The following MROH7 variants were observed in gnomAD, a reference collection of about 807,000 sequenced individuals.
MROH7 encodes the protein maestro heat-like repeat-containing protein family member 7.
In MROH7, 113 loss-of-function variants were observed where a neutral mutation model predicts 129.2. The ratio of observed to expected loss-of-function variants is 0.87; its 90% CI spans 0.75 to 1.02. MROH7 has a LOEUF of 1.02. MROH7 is among the 50% of genes least tolerant of loss of function. MROH7 has a pLI of 0.00. For synonymous variants in MROH7, 655 were observed against 667.9 expected, an observed-to-expected ratio of 0.98 and a Z score of 0.30; for missense variants, 1,601 against 1,671.3, an observed-to-expected ratio of 0.96 and a Z score of 0.73.
At chr1:54,670,638 C>A (rs1365600437) in intron 6 of MROH7, 62 bp downstream of exon 6, 1 of 1,531,358 alleles carries the variant, frequency 6.5e-7, no homozygotes, top group Non-Finnish European at 8.9e-7. Context: ...CTTCTGCCTC[C>A]CTCCATCTCT....
chr1:54,682,824 C>T (rs1430205759), intron 14 of MROH7, 30 bp downstream of exon 14: 1 of 1,599,432 alleles, frequency 6.3e-7, no homozygotes, highest in Non-Finnish European at 8.5e-7. Flanking sequence ...GCCCCTATTG[C>T]TGCCTGTCCT....
intron 15 of MROH7, among the ~76,000 whole-genome samples, chr1:54,690,768 A>G (rs1645224306): frequency 6.6e-6 from 1 of 152,184 alleles, no homozygotes; most frequent in African/African-American, 2.4e-5. Flanking sequence ...GCCTAAATAC[A>G]TATTCATCAG....
chr1:54,697,750 C>T, intron 17 of MROH7: 2 of 694,218 alleles, frequency 2.9e-6, no homozygotes, highest in Admixed American at 2.0e-5. Flanking sequence ...AGATTCAGAA[C>T]AGGCCTGCCT....
chr1:54,702,210 C>A lies in MROH7; in HGVS notation c.3406C>A (p.Leu1136Met). ...GGTCAGCACCTTGGTGCCCCTACTG[C>A]TGACCATGCAGGAGGGCAACTCCAA... ...QLVSTLVPLL[L>M]TMQEGNSKVS... The change falls in exon 20 of 24, where the codon CTG becomes ATG. Residue 1136 changes from leucine to methionine, a missense_variant. Leu to Met is a conservative substitution (Grantham distance 15). Transcript: ENST00000421030. The A allele has an allele frequency of 6.3e-7, 1 of 1,584,792 alleles. No homozygotes were observed. The highest frequency in any genetic ancestry group is 8.6e-7 in the Non-Finnish European group (1 of 1,166,378).
chr1:54,692,527 G>C lies in MROH7; in HGVS notation c.2815G>C (p.Glu939Gln). The C allele has an allele frequency of 6.2e-7, 1 of 1,613,594 alleles. No homozygotes were observed. Among genetic ancestry groups the C allele is most frequent in the Non-Finnish European group, 8.5e-7 (1 of 1,179,844 alleles). Residue 939 changes from glutamate (E) to glutamine (Q), a missense_variant, in exon 16 of 24, where the codon GAG becomes CAG. Coordinates refer to ENST00000421030, the MANE Select transcript of MROH7 (RefSeq NM_001039464.4). ...QGGWELMEQV[E>Q]SHHRGVALLA... is the part of the protein sequence containing the mutation. ...TGGCTGGGAGCTCATGGAGCAGGTG[G>C]AGAGCCACCACCGCGGAGTGGCCTT... is the stretch of plus-strand genomic sequence containing the variant.
Position 54,653,611 on chromosome 1 carries a change from A to G in MROH7, c.685A>G (p.Asn229Asp), listed in dbSNP as rs1334037317. 2 of 1,614,174 alleles carry G rather than the reference A, an allele frequency of 1.2e-6. No individual in the cohort carries two copies. Among genetic ancestry groups the G allele is most frequent in the African/African-American group, 2.7e-5 (2 of 75,038 alleles). The change falls in exon 3 of 24, where the codon AAC (asparagine) becomes GAC (aspartate). Residue 229 changes from asparagine to aspartate, a missense_variant. By Grantham distance (23) the Asn-to-Asp change is conservative. Transcript: ENST00000421030. ...NMGSRNTSKL[N>D]LNVAPDSHGT... is the part of the protein sequence containing the mutation. ...GGGCTCAAGAAACACCTCCAAGCTG[A>G]ACCTGAATGTAGCTCCAGATTCTCA... is the stretch of plus-strand genomic sequence containing the variant.
Position 54,673,941 on chromosome 1 carries a change from C to T in MROH7, c.1801-75C>T, listed in dbSNP as rs901593240. The T allele has an allele frequency of 6.4e-6, 10 of 1,567,582 alleles. No homozygotes were observed. The Admixed American group carries it at 6.8e-5, about 11-fold the overall frequency. Reference sequence around the variant, plus strand: ...GCTGTGCTATCTGGGCCAGACTATCCACCGGTGTTCACCATTTAATGTATA... The same window carrying T: ...GCTGTGCTATCTGGGCCAGACTATCTACCGGTGTTCACCATTTAATGTATA... On this transcript the variant is annotated intron_variant, in intron 9 of 23. Transcript: ENST00000421030.
At chr1:54,681,059 T>C (rs1204657972) in intron 13 of MROH7, among the ~76,000 whole-genome samples, 5 of 152,126 alleles carry the variant, frequency 3.3e-5, no homozygotes. Flanking sequence ...AGCTCCTCCT[T>C]GCGGGGGTCC....
At position 54,694,589 on chromosome 1, in the gene MROH7, C is replaced by T. The variant is rs138452608; in HGVS notation, c.2850-787C>T. On this transcript the variant is annotated intron_variant, in intron 16 of 23. Transcript: ENST00000421030. ...TTAAGTGATTCTCCTGCCTCAACCT[C>T]CCAAGTAGCTAGGATTTCAGGCATG... Among the ~76,000 whole-genome samples, 281 of 152,302 alleles carry T rather than the reference C, an allele frequency of 1.8e-3. 3 individuals are homozygous for T. Among genetic ancestry groups the T allele is most frequent in the African/African-American group, 5.3e-3 (219 of 41,570 alleles).
intron 15 of MROH7, among the ~76,000 whole-genome samples, chr1:54,687,940 C>T (rs1455825108): frequency 7.0e-6 from 1 of 142,554 alleles, no homozygotes; most frequent in Non-Finnish European, 1.5e-5. Context: ...GCAAACATGG[C>T]TCACGGCAGC....
intron 5 of MROH7, among the ~76,000 whole-genome samples, chr1:54,669,792 G>A (rs983844454): frequency 3.9e-5 from 6 of 152,166 alleles, no homozygotes; most frequent in Admixed American, 3.9e-4. Flanking sequence ...TTGAGGTCAG[G>A]AGTTCGAGAC....
At position 54,702,648 on chromosome 1, in the gene MROH7, G is replaced by C. The variant is rs1279160718; in HGVS notation, c.3467G>C (p.Cys1156Ser). 2 of 1,613,846 alleles carry C rather than the reference G, an allele frequency of 1.2e-6. No homozygotes were observed. The highest frequency in any genetic ancestry group is 4.5e-5 in the East Asian group (2 of 44,872). The change falls in exon 21 of 24, where the codon TGT becomes TCT. Residue 1156 changes from cysteine to serine, a missense_variant. Physicochemically the swap from Cys to Ser is moderately radical, Grantham distance 112. Transcript: ENST00000421030. ...AAGTGTGTGAAGACCCTGTTACGCT[G>C]TTCTTACTTCATGGCTTGGGAGTTG... The part of the protein sequence containing the change: ...SQKCVKTLLR[C>S]SYFMAWELPK...
intron 21 of MROH7, 80 bp from the exon 22 acceptor site, chr1:54,706,355 C>T: frequency 9.7e-7 from 1 of 1,030,634 alleles, no homozygotes; most frequent in Non-Finnish European, 1.5e-6. Context: ...TGAGGGTCAC[C>T]ATTCCTAGCT....
intron 22 of MROH7, 113 bp from the exon 23 acceptor site, chr1:54,708,901 T>C: frequency 1.2e-6 from 1 of 808,632 alleles, no homozygotes; most frequent in South Asian, 1.5e-5. Flanking sequence ...TTCTCATGTG[T>C]GGGGCTGGAG....
chr1:54,683,444 A>G (rs1453480570), intron 14 of MROH7, among the ~76,000 whole-genome samples: 2 of 152,154 alleles, frequency 1.3e-5, no homozygotes, highest in African/African-American at 4.8e-5. Flanking sequence ...CTCTGTCTCT[A>G]TCACCACCCT....
At chr1:54,652,198 G>A (rs1366112902) in intron 2 of MROH7, among the ~76,000 whole-genome samples, 1 of 152,152 alleles carries the variant, frequency 6.6e-6, no homozygotes, top group Non-Finnish European at 1.5e-5. Context: ...TGAGAATCTA[G>A]TGCCATGGGT....
chr1:54,690,598 C>T (rs1013895156), intron 15 of MROH7, among the ~76,000 whole-genome samples: 70 of 152,174 alleles, frequency 4.6e-4, no homozygotes, highest in African/African-American at 1.6e-3. Flanking sequence ...CGCCCGCCAC[C>T]ACGCCCGGCT....
intron 3 of MROH7, among the ~76,000 whole-genome samples, chr1:54,662,933 A>T (rs527902515): frequency 2.0e-4 from 30 of 152,284 alleles, no homozygotes; most frequent in African/African-American, 7.2e-4. Flanking sequence ...ATGCTTGCTC[A>T]TGATTAGATT....
intron 11 of MROH7, 93 bp from the exon 12 acceptor site, chr1:54,679,170 G>A (rs980035819): frequency 3.4e-5 from 43 of 1,271,948 alleles, no homozygotes; most frequent in Middle Eastern, 1.9e-4. Flanking sequence ...GCATGTGGGC[G>A]TCAGGCAGTG....
Sources: gnomAD v4.1 joint callset for allele counts (sites outside exome capture counted in the v4.1 genomes callset) on GRCh38, gnomAD v4.1.1 for gene constraint, MANE v1.5 for transcripts, NCBI Gene and HGNC (gene_info 2026-07-23, HGNC 2026-07-21) for gene names.